Variants in LUC7L2 observed in about 807,000 individuals in gnomAD.
LUC7L2 encodes the protein LUC7 like 2, pre-mRNA splicing factor.
LUC7L2 carries 25 observed loss-of-function variants against 52.8 expected under a neutral mutation model. The observed-to-expected ratio is 0.47, with a 90% CI of 0.34 to 0.66. The LOEUF (loss-of-function observed/expected upper bound fraction) is 0.66. Among genes scored for constraint, LUC7L2 ranks in the 30% least tolerant of loss-of-function variants. The probability of loss-of-function intolerance (pLI) is 0.01; values close to 1 mark genes in which losing one functional copy is unlikely to be tolerated. For synonymous variants in LUC7L2, 144 were observed against 160.9 expected (o/e 0.89, Z 0.80); for missense variants, 328 against 497.8 (o/e 0.66, Z 3.25).
chr7:139,344,730 T>C (rs1300575404), intron 1 of LUC7L2, among the ~76,000 whole-genome samples: 5 of 135,370 alleles, frequency 3.7e-5, no homozygotes, highest in Non-Finnish European at 7.7e-5. Flanking sequence ...TGAGATGGAG[T>C]CTCCTTCTGT....
intron 1 of LUC7L2, chr7:139,371,584 A>G: frequency 2.4e-6 from 3 of 1,236,890 alleles, no homozygotes; most frequent in Non-Finnish European, 3.4e-6. Context: ...GATATTGGGA[A>G]GATAGCATGC....
upstream of LUC7L2, among the ~76,000 whole-genome samples, chr7:139,356,784 T>A (rs926890345): frequency 6.6e-6 from 1 of 152,146 alleles, no homozygotes; most frequent in African/African-American, 2.4e-5. Flanking sequence ...TTCACAAAAA[T>A]AGGCCGTGGG....
At chr7:139,360,506 C>T (rs1799818656) in intron 1 of LUC7L2, among the ~76,000 whole-genome samples, 184 bp downstream of exon 1, 1 of 152,170 alleles carries the variant, frequency 6.6e-6, no homozygotes, top group African/African-American at 2.4e-5. Flanking sequence ...GGGGCGGTGA[C>T]CATGCGGATT....
chr7:139,348,691 C>T lies in LUC7L2; in HGVS notation c.-26+8174C>T, dbSNP rs1015832750. Among the ~76,000 whole-genome samples, 8 of 151,730 alleles carry T rather than the reference C, an allele frequency of 5.3e-5. No homozygotes were observed. In the East Asian group the frequency reaches 1.4e-3, roughly 26 times the overall value. ...CCAAGATCACACAACTGCACTCAAG[C>T]CTGGTGACAGAGCGAGACTCCGTCT... On this transcript the variant is annotated intron_variant, in intron 1 of 10. Transcript: ENST00000541170.
chr7:139,422,378 C>T lies in LUC7L2; in HGVS notation c.*38C>T, dbSNP rs372923022. The stretch of plus-strand genomic sequence containing the variant: ...ATTTCTTCAGTCCTTAAGCTTCCTA[C>T]GGAGTTACGTACTATTGTTTAGTTC... On this transcript the variant is annotated 3_prime_UTR_variant, in exon 10 of 10. Transcript: ENST00000354926. 7.5e-5 allele frequency: 118 copies of T among 1,577,328 alleles called. No individual in the cohort carries two copies. The highest frequency in any genetic ancestry group is 2.9e-4 in the African/African-American group (21 of 73,564).
intron 2 of LUC7L2, among the ~76,000 whole-genome samples, chr7:139,388,145 A>T (rs1339898572): frequency 1.3e-5 from 2 of 152,072 alleles, no homozygotes; most frequent in Non-Finnish European, 2.9e-5. Flanking sequence ...TTGAAAAAAA[A>T]TTTATCTCAT....
At chr7:139,416,316 G>T (rs537317981) in intron 8 of LUC7L2, 1 of 151,584 alleles carries the variant, frequency 6.6e-6, no homozygotes, top group Non-Finnish European at 1.5e-5. Context: ...CCTGGTGGAG[G>T]CTATAAAAGT....
At chr7:139,343,591 A>G (rs1295446956) in intron 1 of LUC7L2, among the ~76,000 whole-genome samples, 1 of 152,092 alleles carries the variant, frequency 6.6e-6, no homozygotes, top group Non-Finnish European at 1.5e-5. Flanking sequence ...AAAACCAAGA[A>G]GCCACACACA....
intron 1 of LUC7L2, chr7:139,341,235 T>G: frequency 7.3e-7 from 1 of 1,371,710 alleles, no homozygotes; most frequent in Non-Finnish European, 9.6e-7. Context: ...TAAGGTTCGG[T>G]CAACGGACAA....
chr7:139,357,328 A>G (rs867656904), upstream of LUC7L2, among the ~76,000 whole-genome samples: 9 of 152,270 alleles, frequency 5.9e-5, no homozygotes, highest in Middle Eastern at 0.01. Flanking sequence ...AAGAGTGAAC[A>G]TCACTTAATT....
chr7:139,401,051 C>A (rs2131280981), intron 3 of LUC7L2, among the ~76,000 whole-genome samples: 1 of 152,200 alleles, frequency 6.6e-6, no homozygotes, highest in African/African-American at 2.4e-5. Context: ...AGAATGAATT[C>A]TTAAAGTTTA....
intron 2 of LUC7L2, among the ~76,000 whole-genome samples, chr7:139,380,256 TAAGA>T (rs1333236649): frequency 3.3e-5 from 5 of 152,174 alleles, no homozygotes; most frequent in Non-Finnish European, 5.9e-5. Context: ...ATGATTTTTA[TAAGA>T]AATATGAATA....
intron 2 of LUC7L2, 113 bp downstream of exon 2, chr7:139,376,269 C>G: frequency 9.5e-7 from 1 of 1,057,668 alleles, no homozygotes; most frequent in South Asian, 1.6e-5. Context: ...AGATTTGCAT[C>G]CTTTATTGTT....
chr7:139,389,774 TC>T (rs1414053979), intron 2 of LUC7L2, among the ~76,000 whole-genome samples: 1 of 152,188 alleles, frequency 6.6e-6, no homozygotes, highest in Non-Finnish European at 1.5e-5. Flanking sequence ...GTTACAATGA[TC>T]AAGAAAGACT....
chr7:139,391,749 G>T (rs950242734), intron 2 of LUC7L2, among the ~76,000 whole-genome samples: 2 of 152,028 alleles, frequency 1.3e-5, no homozygotes, highest in Non-Finnish European at 2.9e-5. Flanking sequence ...ACCATGCCCA[G>T]CTAATTTTTA....
intron 2 of LUC7L2, among the ~76,000 whole-genome samples, chr7:139,390,496 T>A (rs908804707): frequency 6.6e-6 from 1 of 151,718 alleles, no homozygotes; most frequent in African/African-American, 2.4e-5. Flanking sequence ...CCCAAAGTGC[T>A]GGGGTTACAG....
chr7:139,354,636 A>G (rs966308866), intron 1 of LUC7L2, among the ~76,000 whole-genome samples: 5 of 152,192 alleles, frequency 3.3e-5, no homozygotes, highest in African/African-American at 1.2e-4. Flanking sequence ...TGCTGGGATT[A>G]TAGGCATGAG....
chr7:139,345,674 T>C (rs1322360528), intron 1 of LUC7L2: 10 of 1,614,060 alleles, frequency 6.2e-6, no homozygotes, highest in Non-Finnish European at 8.5e-6. Flanking sequence ...AGTTGCCCCA[T>C]CAGCCTGGAG....
At chr7:139,383,157 C>T (rs1475774110) in intron 2 of LUC7L2, among the ~76,000 whole-genome samples, 1 of 151,836 alleles carries the variant, frequency 6.6e-6, no homozygotes, top group Admixed American at 6.6e-5. Flanking sequence ...CTCTTGTTGC[C>T]CAGGATGGAG....
Sources: gnomAD v4.1 joint callset for allele counts (sites outside exome capture counted in the v4.1 genomes callset) on GRCh38, gnomAD v4.1.1 for gene constraint, MANE v1.5 for transcripts, NCBI Gene and HGNC (gene_info 2026-07-23, HGNC 2026-07-21) for gene names.